The following IPCEF1 variants were observed in gnomAD, a reference collection of about 807,000 sequenced individuals.
IPCEF1 encodes the protein interaction protein for cytohesin exchange factors 1.
In IPCEF1, 31 loss-of-function variants were observed where a neutral mutation model predicts 50.9. That is an observed-to-expected ratio of 0.61 (90% CI 0.46 to 0.82). The LOEUF is 0.82. Among genes scored for constraint, IPCEF1 ranks in the 40% least tolerant of loss-of-function variants. The pLI is 0.00. For missense variants in IPCEF1, 458 were observed against 514.0 expected (o/e 0.89, Z 1.05); for synonymous variants, 181 against 192.0 (o/e 0.94, Z 0.47).
intron 10 of IPCEF1, among the ~76,000 whole-genome samples, chr6:154,174,382 T>A (rs1463515568): frequency 6.6e-6 from 1 of 152,132 alleles, no homozygotes; most frequent in African/African-American, 2.4e-5. Flanking sequence ...ACTGGCAAAT[T>A]GGATAGAGTC....
chr6:154,311,951 T>G (rs1325148508), intron 1 of IPCEF1, among the ~76,000 whole-genome samples: 3 of 152,190 alleles, frequency 2.0e-5, no homozygotes, highest in Non-Finnish European at 4.4e-5. Flanking sequence ...ATCTTTTGGA[T>G]AAATCCTGGA....
intron 2 of IPCEF1, among the ~76,000 whole-genome samples, chr6:154,266,582 A>ATATATG (rs1167473870): frequency 6.8e-6 from 1 of 146,408 alleles, no homozygotes. Flanking sequence ...ATATATATAT[A>ATATATG]TATACACACA....
chr6:154,263,044 G>A (rs1781643581), intron 3 of IPCEF1, among the ~76,000 whole-genome samples: 1 of 151,864 alleles, frequency 6.6e-6, no homozygotes, highest in African/African-American at 2.4e-5. Flanking sequence ...AAAGTGCTGG[G>A]ATTACAGGCA....
At chr6:154,312,416 G>A (rs544925635) in intron 1 of IPCEF1, among the ~76,000 whole-genome samples, 2 of 151,806 alleles carry the variant, frequency 1.3e-5, no homozygotes, top group East Asian at 1.9e-4. Flanking sequence ...TCACGATCTC[G>A]GCTCACTGTA....
intron 5 of IPCEF1, among the ~76,000 whole-genome samples, chr6:154,234,266 G>T (rs545681187): frequency 6.6e-6 from 1 of 152,064 alleles, no homozygotes; most frequent in African/African-American, 2.4e-5. Context: ...AAAACTCTGC[G>T]GTACATGTTT....
At chr6:154,313,860 C>A (rs190413603) in intron 1 of IPCEF1, among the ~76,000 whole-genome samples, 4 of 152,144 alleles carry the variant, frequency 2.6e-5, no homozygotes, top group African/African-American at 9.7e-5. Context: ...CCTCCCTTCT[C>A]AGCCTCCCAA....
chr6:154,194,098 C>T (rs533108086), intron 10 of IPCEF1, among the ~76,000 whole-genome samples: 65 of 152,268 alleles, frequency 4.3e-4, no homozygotes, highest in African/African-American at 1.3e-3. Context: ...CGCTCCTCAA[C>T]GTTTCAAACT....
At chr6:154,285,251 T>C (rs1163540076) in intron 2 of IPCEF1, among the ~76,000 whole-genome samples, 1 of 152,174 alleles carries the variant, frequency 6.6e-6, no homozygotes, top group African/African-American at 2.4e-5. Flanking sequence ...GATAATAAAC[T>C]CAGGGAAAAT....
At chr6:154,315,831 T>TG (rs1317649828) in intron 1 of IPCEF1, among the ~76,000 whole-genome samples, 2 of 151,806 alleles carry the variant, frequency 1.3e-5, no homozygotes, top group African/African-American at 4.9e-5. Flanking sequence ...GCAATTTTTT[T>TG]TGGGGGGGAG....
At position 154,347,772 on chromosome 6, in the gene IPCEF1, C is replaced by G. The variant is rs1584013661; in HGVS notation, c.-62+8900G>C. On this transcript the variant is annotated intron_variant, in intron 1 of 11. Coordinates refer to ENST00000367220, the MANE Select transcript of IPCEF1 (RefSeq NM_001130700.2). ...GAATATTTCATAGGCCAGGAGCATC[C>G]ATCCATTGGCAAAAGGCCACCTCCA... Among the ~76,000 whole-genome samples, 5 of 152,292 alleles carry G rather than the reference C, an allele frequency of 3.3e-5. No homozygotes were observed. In the South Asian group the frequency reaches 1.0e-3, roughly 32 times the overall value.
chr6:154,238,639 G>A (rs1034689743), intron 5 of IPCEF1, among the ~76,000 whole-genome samples: 5 of 151,482 alleles, frequency 3.3e-5, no homozygotes, highest in Admixed American at 1.3e-4. Context: ...TTTTTATTTC[G>A]CTTACTTCTA....
chr6:154,297,443 G>T lies in IPCEF1; in HGVS notation c.-61-7687C>A, dbSNP rs1369244286. ...ATTTTAAACCCCAGGTTGACGTGCA[G>T]GTCTGGCAATGCTATTGGGCAGCCT... On this transcript the variant is annotated intron_variant, in intron 1 of 11. Transcript: ENST00000367220. 2.0e-5 allele frequency among the ~76,000 whole-genome samples: 3 copies of T among 152,186 alleles called. No individual in the cohort carries two copies. In the East Asian group the frequency reaches 5.8e-4, roughly 29 times the overall value.
At chr6:154,264,396 T>C (rs1457982841) in intron 3 of IPCEF1, among the ~76,000 whole-genome samples, 1 of 152,088 alleles carries the variant, frequency 6.6e-6, no homozygotes, top group Non-Finnish European at 1.5e-5. Flanking sequence ...TTAATTGAGA[T>C]GGAGTAACCC....
rs529275020 is a variant in IPCEF1 at position 154,331,938 on chromosome 6, T to G, written c.-62+24734A>C. Among the ~76,000 whole-genome samples, 6 of 152,276 alleles carry G rather than the reference T, an allele frequency of 3.9e-5. No individual in the cohort carries two copies. The East Asian group carries it at 1.2e-3, about 29-fold the overall frequency. ...GATAGGGCACTTGGTTTTCTCAAGC[T>G]GCTCCCTTGGCCCTCTTCCAAGTTT... On this transcript the variant is annotated intron_variant, in intron 1 of 11. Coordinates refer to ENST00000367220, the MANE Select transcript of IPCEF1 (RefSeq NM_001130700.2).
intron 1 of IPCEF1, among the ~76,000 whole-genome samples, chr6:154,335,677 A>G (rs1244913342): frequency 2.0e-5 from 3 of 152,234 alleles, no homozygotes; most frequent in Admixed American, 1.3e-4. Context: ...TCTCAAAAAA[A>G]TAAATAAGTA....
At chr6:154,181,383 A>G (rs1314940877) in intron 10 of IPCEF1, among the ~76,000 whole-genome samples, 2 of 152,144 alleles carry the variant, frequency 1.3e-5, no homozygotes, top group African/African-American at 4.8e-5. Flanking sequence ...TAACACTTCT[A>G]TGAGAAGTGT....
intron 1 of IPCEF1, among the ~76,000 whole-genome samples, chr6:154,293,359 T>C (rs765301916): frequency 3.3e-5 from 5 of 152,226 alleles, no homozygotes; most frequent in Non-Finnish European, 7.3e-5. Context: ...ATGTACCATC[T>C]CAATCACTTT....
At chr6:154,292,905 A>G (rs549184607) in intron 1 of IPCEF1, among the ~76,000 whole-genome samples, 2 of 152,310 alleles carry the variant, frequency 1.3e-5, no homozygotes, top group African/African-American at 4.8e-5. Context: ...TGGTGCAACT[A>G]ATGATATACC....
At chr6:154,176,221 G>C (rs1800315621) in intron 10 of IPCEF1, among the ~76,000 whole-genome samples, 1 of 152,156 alleles carries the variant, frequency 6.6e-6, no homozygotes, top group South Asian at 2.1e-4. Context: ...ATATCATACT[G>C]AATGGGCAAA....
Sources: gnomAD v4.1 joint callset for allele counts (sites outside exome capture counted in the v4.1 genomes callset) on GRCh38, gnomAD v4.1.1 for gene constraint, MANE v1.5 for transcripts, NCBI Gene and HGNC (gene_info 2026-07-23, HGNC 2026-07-21) for gene names.